The following MVD variants were observed in gnomAD, a reference collection of about 807,000 sequenced individuals.
MVD encodes mevalonate diphosphate decarboxylase, also known as diphosphomevalonate decarboxylase.
A neutral mutation model predicts 42.4 loss-of-function variants in MVD; 52 were observed. The ratio of observed to expected loss-of-function variants is 1.23; its 90% CI spans 0.98 to 1.55. The LOEUF is 1.55. Among genes scored for constraint, MVD ranks in the 40% most tolerant of loss-of-function variants. MVD has a pLI of 0.00. For synonymous variants in MVD, 287 were observed against 243.2 expected (o/e 1.18, Z -1.68); for missense variants, 663 against 572.1 (o/e 1.16, Z -1.62).
At chr16:88,657,722 AC>A in intron 3 of MVD, 140 bp from the exon 4 acceptor site, 5 of 1,365,564 alleles carry the variant, frequency 3.7e-6, no homozygotes, top group Non-Finnish European at 5.0e-6. Context: ...ACCCGGGAAA[AC>A]CCCAGACTGA....
Position 88,657,907 on chromosome 16 carries a change from C to T in MVD, c.256+8G>A. On this transcript the variant is annotated splice_region_variant and intron_variant, in intron 3 of 9. Coordinates refer to ENST00000301012, the MANE Select transcript of MVD (RefSeq NM_002461.3). ...GGGAGGGATGGGCTTATGGGGACCC[C>T]AGCTCACTCTCCCGCAGGCAGGCCT... 4 of 1,612,610 alleles carry T rather than the reference C, an allele frequency of 2.5e-6. No individual in the cohort carries two copies. The highest frequency in any genetic ancestry group is 3.4e-6 in the Non-Finnish European group (4 of 1,179,508).
At chr16:88,662,270 C>T (rs960282703) in intron 1 of MVD, 2 of 153,322 alleles carry the variant, frequency 1.3e-5, no homozygotes, top group Admixed American at 1.3e-4. Flanking sequence ...ACTGGCTCAG[C>T]AACAGAGGGG....
chr16:88,662,670 T>C (rs1222799753), intron 1 of MVD: 27 of 1,303,708 alleles, frequency 2.1e-5, no homozygotes, highest in Non-Finnish European at 2.7e-5. Context: ...GCCTCCCGAG[T>C]AGCTGGAGCC....
chr16:88,660,968 T>A (rs547032577), intron 1 of MVD: 1 of 122,008 alleles, frequency 8.2e-6, no homozygotes, highest in South Asian at 2.7e-4. Context: ...ATTGTGCCAC[T>A]GCACTCCAGC....
chr16:88,658,781 C>T, intron 1 of MVD, 61 bp from the exon 2 acceptor site: 6 of 1,167,706 alleles, frequency 5.1e-6, no homozygotes, highest in Non-Finnish European at 6.8e-6. Flanking sequence ...CCCAGTGTTC[C>T]CCACAGGTGC....
Position 88,657,930 on chromosome 16 carries a change from C to G in MVD, c.241G>C (p.Ala81Pro). Reference protein sequence around the residue: ...EEDVGQPRLQACLREIRCLAR... With the variant: ...EEDVGQPRLQPCLREIRCLAR... ...CCCAGCTCACTCTCCCGCAGGCAGG[C>G]CTGCAGCCGCGGCTGCCCCACATCC... Residue 81 changes from alanine to proline, a missense_variant, in exon 3 of 10, where the codon GCC (alanine) becomes CCC (proline). Transcript: ENST00000301012. 6.2e-7 allele frequency: 1 copy of G among 1,613,636 alleles called. No individual in the cohort carries two copies. Among genetic ancestry groups the G allele is most frequent in the Non-Finnish European group, 8.5e-7 (1 of 1,179,982 alleles).
At chr16:88,657,191 C>G (rs775552554) in intron 4 of MVD, 5 of 679,640 alleles carry the variant, frequency 7.4e-6, no homozygotes. Flanking sequence ...CAGTGCTTCT[C>G]CCCCATCAGC....
At chr16:88,659,976 CAAAA>C (rs57506875) in intron 1 of MVD, among the ~76,000 whole-genome samples, 4 of 131,992 alleles carry the variant, frequency 3.0e-5, no homozygotes, top group Non-Finnish European at 3.2e-5. Context: ...GACCCTTTCT[CAAAA>C]AAAAAAAAAA....
intron 5 of MVD, 155 bp from the exon 6 acceptor site, chr16:88,655,885 G>A: frequency 8.9e-7 from 1 of 1,126,290 alleles, no homozygotes; most frequent in Non-Finnish European, 1.2e-6. Context: ...GGCCACAGCA[G>A]GGGTGACGCA....
intron 1 of MVD, chr16:88,660,730 A>G (rs1279109544): frequency 6.6e-6 from 1 of 150,492 alleles, no homozygotes; most frequent in Non-Finnish European, 1.5e-5. Context: ...ATAAAAGGCC[A>G]GACGCGGTGG....
At position 88,655,366 on chromosome 16, in the gene MVD, T is replaced by C. The variant is rs1461053752; in HGVS notation, c.730A>G (p.Ile244Val). The change falls in exon 7 of 10, where the codon ATC (isoleucine) becomes GTC (valine). Residue 244 changes from isoleucine to valine, a missense_variant. Ile to Val is a conservative substitution (Grantham distance 29, BLOSUM62 3). Transcript: ENST00000301012. ...AAGCTGGGGAAGTCTCGCTCCCGGATGCAGCGGGCCATCTCCGCCATGCGC... is the reference window on the plus strand; with the variant it reads ...AAGCTGGGGAAGTCTCGCTCCCGGACGCAGCGGGCCATCTCCGCCATGCGC... Reference protein sequence around the residue: ...PARMAEMARCIRERDFPSFAQ... With the variant: ...PARMAEMARCVRERDFPSFAQ... 2 of 1,600,098 alleles carry C rather than the reference T, an allele frequency of 1.2e-6. No individual in the cohort carries two copies. Among genetic ancestry groups the C allele is most frequent in the East Asian group, 2.3e-5 (1 of 44,192 alleles).
chr16:88,652,133 G>T lies in MVD; in HGVS notation c.*392C>A, dbSNP rs1191715690. 2.1e-5 allele frequency: 6 copies of T among 290,870 alleles called. No homozygotes were observed. The highest frequency in any genetic ancestry group is 1.1e-4 in the African/African-American group (5 of 43,904). The allele number at this position is 290,870 out of a possible 1,614,324, so 18.0% of individuals were successfully genotyped here. A position where few individuals can be genotyped will look rare whatever the true frequency, so the allele number is the denominator to read the frequency against. On this transcript the variant is annotated 3_prime_UTR_variant, in exon 10 of 10. Transcript: ENST00000301012. ...TGGTTTCCTGAGGCCCAAGGAGGCT[G>T]CTCCCAGCACGGTGACCCCTTCCCT... is the stretch of plus-strand genomic sequence containing the variant.
chr16:88,659,108 C>G (rs1271761378), intron 1 of MVD: 2 of 255,222 alleles, frequency 7.8e-6, no homozygotes, highest in African/African-American at 4.4e-5. Context: ...CCAGGAACAT[C>G]CAGGATAAAC....
rs372530520 is a variant in MVD, at chr16:88,655,280, C to A, written c.816G>T (p.Pro272=). ...QFHATCLDTF[P]PISYLNAISW... ...AGATGGCATTGAGGTAAGAGATGGG[C>A]GGGAAGGTGTCGAGGCAGGTGGCGT... Residue 272 remains proline (P), a synonymous_variant, in exon 7 of 10, where the codon CCG becomes CCT. Transcript: ENST00000301012. 3 of 1,591,650 alleles carry A rather than the reference C, an allele frequency of 1.9e-6. No individual in the cohort carries two copies. Among genetic ancestry groups the A allele is most frequent in the South Asian group, 2.3e-5 (2 of 87,466 alleles).
In MVD at chr16:88,657,593, A is replaced by G. The variant is rs775182831; in HGVS notation, c.257-11T>C. The G allele has an allele frequency of 6.2e-7, 1 of 1,610,428 alleles. No individual in the cohort carries two copies. The highest frequency in any genetic ancestry group is 1.1e-5 in the South Asian group (1 of 90,976). ...GGGCCAGGCAGCGGACTGCAGAGAC[A>G]ATGAGACAGCGTGTGGCCCAGCCGT... On this transcript the variant is annotated splice_polypyrimidine_tract_variant and intron_variant, in intron 3 of 9. Coordinates refer to ENST00000301012, the MANE Select transcript of MVD (RefSeq NM_002461.3).
intron 1 of MVD, among the ~76,000 whole-genome samples, chr16:88,661,615 A>G (rs1456267159): frequency 2.0e-5 from 3 of 152,152 alleles, no homozygotes; most frequent in Non-Finnish European, 4.4e-5. Flanking sequence ...GATTTCACCA[A>G]GAAAACCCAC....
intron 1 of MVD, chr16:88,658,987 C>A: frequency 2.1e-6 from 1 of 484,278 alleles, no homozygotes; most frequent in East Asian, 4.0e-5. Context: ...ACTCCAGCAT[C>A]CGTGAGTGCC....
At chr16:88,661,188 G>T (rs1437320067) in intron 1 of MVD, among the ~76,000 whole-genome samples, 1 of 151,964 alleles carries the variant, frequency 6.6e-6, no homozygotes, top group Non-Finnish European at 1.5e-5. Flanking sequence ...AGGCAATCCT[G>T]TACAACTTGG....
rs1262627324 is a variant in MVD, at chr16:88,654,677, G to A, written c.1013+15C>T. On this transcript the variant is annotated intron_variant, in intron 8 of 9. Coordinates refer to ENST00000301012, the MANE Select transcript of MVD (RefSeq NM_002461.3). ...CCATCTCCCAAAAAGGAGGAGGGGC[G>A]GGGTCCACACTCACGTGTCTCCATT... 3.2e-6 allele frequency: 5 copies of A among 1,586,132 alleles called. No individual in the cohort carries two copies. Among genetic ancestry groups the A allele is most frequent in the Non-Finnish European group, 3.4e-6 (4 of 1,170,094 alleles).
Sources: allele counts gnomAD v4.1 joint callset (sites outside exome capture counted in the v4.1 genomes callset), GRCh38; gene constraint gnomAD v4.1.1; transcripts MANE v1.5; gene names NCBI Gene and HGNC (gene_info 2026-07-23, HGNC 2026-07-21).